DPYD: variants seen among roughly 807,000 people sequenced by gnomAD.
DPYD encodes dihydropyrimidine dehydrogenase [NADP(+)].
In DPYD, 109 loss-of-function variants were observed where a neutral mutation model predicts 116.2. The observed-to-expected ratio is 0.94, with a 90% CI of 0.80 to 1.10. The LOEUF (loss-of-function observed/expected upper bound fraction) is 1.10. Among genes scored for constraint, DPYD ranks in the 50% least tolerant of loss-of-function variants. The pLI is 0.00. For synonymous variants in DPYD, 440 were observed against 432.0 expected (o/e 1.02, Z -0.23); for missense variants, 1,302 against 1,254.5 (o/e 1.04, Z -0.57).
chr1:97,574,320 AATC>A (rs1431596639), intron 10 of DPYD, among the ~76,000 whole-genome samples: 21 of 152,142 alleles, frequency 1.4e-4, no homozygotes, highest in Admixed American at 5.2e-4. Context: ...CTCTTTTTTT[AATC>A]ATGCTGCATA....
chr1:97,864,543 C>T (rs1464989179), intron 2 of DPYD, among the ~76,000 whole-genome samples: 1 of 151,702 alleles, frequency 6.6e-6, no homozygotes, highest in Non-Finnish European at 1.5e-5. Flanking sequence ...CCTCCTCCCC[C>T]CACACCTCTG....
At chr1:97,331,513 G>A (rs1213946169) in intron 16 of DPYD, among the ~76,000 whole-genome samples, 1 of 151,928 alleles carries the variant, frequency 6.6e-6, no homozygotes, top group Non-Finnish European at 1.5e-5. Flanking sequence ...ATTGTGTATT[G>A]GTATATTTTA....
chr1:97,241,447 A>C (rs1662335010), intron 18 of DPYD, among the ~76,000 whole-genome samples: 1 of 152,048 alleles, frequency 6.6e-6, no homozygotes, highest in Non-Finnish European at 1.5e-5. Context: ...CTCAAGCTGA[A>C]TAAATAACTT....
At chr1:97,211,392 C>T (rs1391316570) in intron 19 of DPYD, among the ~76,000 whole-genome samples, 3 of 152,178 alleles carry the variant, frequency 2.0e-5, no homozygotes, top group Admixed American at 2.0e-4. Context: ...GTACTTACCA[C>T]TATCTGACAT....
At chr1:97,103,518 T>C (rs1417466353) in intron 20 of DPYD, among the ~76,000 whole-genome samples, 1 of 152,110 alleles carries the variant, frequency 6.6e-6, no homozygotes, top group Non-Finnish European at 1.5e-5. Flanking sequence ...GCATTGGACA[T>C]GTAAAATATA....
intron 3 of DPYD, among the ~76,000 whole-genome samples, chr1:97,768,883 T>C (rs755606726): frequency 4.6e-5 from 7 of 151,920 alleles, no homozygotes; most frequent in Non-Finnish European, 8.8e-5. Flanking sequence ...ATATTTGTCA[T>C]ATTTTGGCAA....
chr1:97,340,989 A>T (rs771405340), intron 16 of DPYD, among the ~76,000 whole-genome samples: 13 of 152,194 alleles, frequency 8.5e-5, no homozygotes, highest in African/African-American at 1.4e-4. Context: ...AAACCAACAG[A>T]TGACCTACCT....
intron 14 of DPYD, among the ~76,000 whole-genome samples, chr1:97,402,752 T>C (rs72728483): frequency 0.074 from 11,213 of 152,156 alleles, 505 homozygotes; most frequent in African/African-American, 0.12. Flanking sequence ...AGGTATTTTA[T>C]AGATATTCTT....
intron 14 of DPYD, among the ~76,000 whole-genome samples, chr1:97,433,505 A>C (rs1041616843): frequency 1.3e-5 from 2 of 152,074 alleles, no homozygotes; most frequent in Non-Finnish European, 2.9e-5. Context: ...ATTTAAGTTT[A>C]TTTGCATTTT....
intron 3 of DPYD, among the ~76,000 whole-genome samples, chr1:97,796,264 A>T (rs572530547): frequency 3.5e-4 from 53 of 152,218 alleles, no homozygotes; most frequent in African/African-American, 1.3e-3. Context: ...AGTACTAAAA[A>T]GCTAAGTTGT....
In DPYD at chr1:97,092,260, T is replaced by C. The variant is rs188752847; in HGVS notation, c.2766+6229A>G. Among the ~76,000 whole-genome samples the C allele has an allele frequency of 1.6e-3, 247 of 152,314 alleles. 1 individual carries two copies. The highest frequency in any genetic ancestry group is 1.4e-3 in the Admixed American group (22 of 15,290). ...TACTGGATTGTGCCAATGACTGCTA[T>C]AGTACCGGAACATAGTGGTTGCACA... On this transcript the variant is annotated intron_variant, in intron 21 of 22. Coordinates refer to ENST00000370192, the MANE Select transcript of DPYD (RefSeq NM_000110.4).
At chr1:97,241,319 A>G (rs1460807218) in intron 18 of DPYD, among the ~76,000 whole-genome samples, 4 of 151,962 alleles carry the variant, frequency 2.6e-5, no homozygotes, top group African/African-American at 9.7e-5. Flanking sequence ...ACTCATTCAT[A>G]GAGTGATTTC....
intron 2 of DPYD, among the ~76,000 whole-genome samples, chr1:97,841,782 T>C (rs773503279): frequency 1.3e-5 from 2 of 151,980 alleles, no homozygotes; most frequent in Admixed American, 6.6e-5. Context: ...GCAAATCTTA[T>C]AGGAATCTAA....
At chr1:97,085,201 A>G (rs975327762) in intron 21 of DPYD, among the ~76,000 whole-genome samples, 2 of 152,218 alleles carry the variant, frequency 1.3e-5, no homozygotes, top group African/African-American at 4.8e-5. Context: ...GAGTTGTTTC[A>G]CTGAATCAGA....
chr1:97,658,544 TATTAA>T (rs1659072889), intron 8 of DPYD, among the ~76,000 whole-genome samples: 1 of 152,162 alleles, frequency 6.6e-6, no homozygotes, highest in African/African-American at 2.4e-5. Context: ...AAGTTCCTGA[TATTAA>T]ATTATAAGGA....
rs72734070 is a variant in DPYD at position 97,867,812 on chromosome 1, C to T, written c.150+15452G>A. On this transcript the variant is annotated intron_variant, in intron 2 of 22. Transcript: ENST00000370192. ...AAAGCTTTTCCTCTAAGATCAGGAACGAGACAAGGATACCCACTTTTACCA... is the reference window on the plus strand; with the variant it reads ...AAAGCTTTTCCTCTAAGATCAGGAATGAGACAAGGATACCCACTTTTACCA... 6.0e-3 allele frequency among the ~76,000 whole-genome samples: 914 copies of T among 151,854 alleles called. 7 individuals are homozygous for T. Among genetic ancestry groups the T allele is most frequent in the African/African-American group, 0.021 (851 of 41,472 alleles).
At chr1:97,324,895 T>A (rs1026308013) in intron 16 of DPYD, among the ~76,000 whole-genome samples, 1 of 152,032 alleles carries the variant, frequency 6.6e-6, no homozygotes, top group African/African-American at 2.4e-5. Flanking sequence ...AGGGAAAATA[T>A]CTTGAGGCAC....
chr1:97,626,640 G>A (rs910762698), intron 8 of DPYD, among the ~76,000 whole-genome samples: 8 of 150,680 alleles, frequency 5.3e-5, no homozygotes, highest in African/African-American at 2.0e-4. Context: ...ATCAATATCA[G>A]TTATTATTTG....
chr1:97,378,091 T>C (rs12032384), intron 15 of DPYD, among the ~76,000 whole-genome samples: 40,129 of 152,144 alleles, frequency 0.26, 5,506 homozygotes, highest in South Asian at 0.43. Flanking sequence ...TCTCAACTAT[T>C]CAAAACTGGA....
Sources: allele counts gnomAD v4.1 joint callset (sites outside exome capture counted in the v4.1 genomes callset), GRCh38; gene constraint gnomAD v4.1.1; transcripts MANE v1.5; gene names NCBI Gene and HGNC (gene_info 2026-07-23, HGNC 2026-07-21).